The following GMCL1 variants were observed in gnomAD, a reference collection of about 807,000 sequenced individuals.
The protein encoded by GMCL1 is germ cell-less 1, spermatogenesis associated, also known as germ cell-less protein-like 1.
In GMCL1, 54 loss-of-function variants were observed where a neutral mutation model predicts 75.5. The observed-to-expected ratio is 0.71, with a 90% CI of 0.57 to 0.90. GMCL1 has a LOEUF of 0.90. GMCL1 is among the 40% of genes least tolerant of loss of function. The probability of loss-of-function intolerance (pLI) is 0.00; values close to 1 mark genes in which losing one functional copy is unlikely to be tolerated. For synonymous variants in GMCL1, 210 were observed against 209.6 expected (o/e 1.00, Z -0.02); for missense variants, 537 against 622.7 (o/e 0.86, Z 1.47).
intron 2 of GMCL1, among the ~76,000 whole-genome samples, chr2:69,838,358 A>G (rs1361806022): frequency 4.0e-5 from 6 of 150,524 alleles, no homozygotes. Flanking sequence ...AAAAAAAAAA[A>G]AAAAAATCGG....
intron 11 of GMCL1, among the ~76,000 whole-genome samples, chr2:69,868,660 G>A (rs752747851): frequency 1.1e-4 from 16 of 149,850 alleles, no homozygotes; most frequent in Non-Finnish European, 1.5e-4. Flanking sequence ...TGATCCACCC[G>A]CCTCGGCCTC....
intron 5 of GMCL1, among the ~76,000 whole-genome samples, 190 bp from the exon 6 acceptor site, chr2:69,843,941 C>A (rs1675055445): frequency 6.6e-6 from 1 of 151,622 alleles, no homozygotes; most frequent in South Asian, 2.1e-4. Context: ...GAAATGCTCT[C>A]GTTAATATAA....
chr2:69,846,817 G>A (rs1675161257), intron 6 of GMCL1, among the ~76,000 whole-genome samples: 1 of 151,278 alleles, frequency 6.6e-6, no homozygotes, highest in African/African-American at 2.4e-5. Flanking sequence ...CGATATAGCT[G>A]TTTTAGTGTC....
chr2:69,875,747 T>A (rs1247111390), intron 13 of GMCL1, among the ~76,000 whole-genome samples: 1 of 151,988 alleles, frequency 6.6e-6, no homozygotes, highest in Non-Finnish European at 1.5e-5. Flanking sequence ...CAGGCTGGAA[T>A]GCAGTGGCGT....
chr2:69,837,335 G>A (rs1487592317), intron 1 of GMCL1, among the ~76,000 whole-genome samples: 2 of 152,026 alleles, frequency 1.3e-5, no homozygotes, highest in East Asian at 3.8e-4. Flanking sequence ...GTGCATAGAG[G>A]ACCCCAGAGA....
At chr2:69,841,105 A>G in intron 4 of GMCL1, 66 bp downstream of exon 4, 2 of 1,063,730 alleles carry the variant, frequency 1.9e-6, no homozygotes, top group Non-Finnish European at 2.8e-6. Flanking sequence ...TGTGTACTCC[A>G]AAAACAAAAA....
Position 69,869,882 on chromosome 2 carries a change from C to G in GMCL1, c.1364+18C>G. On this transcript the variant is annotated intron_variant, in intron 12 of 13. Transcript: ENST00000282570. ...GCATTTAGGTAGGATGAGATTTCCC[C>G]ACCCCACTCCTCCTCACTCCAGAGA... 1 of 1,608,210 alleles carries G rather than the reference C, an allele frequency of 6.2e-7. No individual in the cohort carries two copies. The highest frequency in any genetic ancestry group is 8.5e-7 in the Non-Finnish European group (1 of 1,176,556).
At chr2:69,849,769 T>C in intron 8 of GMCL1, 27 bp downstream of exon 8, 2 of 1,419,152 alleles carry the variant, frequency 1.4e-6, no homozygotes, top group Non-Finnish European at 1.9e-6. Context: ...TGAGAACTTG[T>C]CTTTTAAAAG....
At chr2:69,849,601 A>G (rs777105910) in intron 7 of GMCL1, 51 bp from the exon 8 acceptor site, 11 of 1,196,414 alleles carry the variant, frequency 9.2e-6, no homozygotes, top group Non-Finnish European at 1.3e-5. Context: ...GTAAAATCAT[A>G]AAATGATGAA....
chr2:69,871,538 A>G (rs997226748), intron 12 of GMCL1, among the ~76,000 whole-genome samples: 2 of 152,228 alleles, frequency 1.3e-5, no homozygotes, highest in Admixed American at 6.5e-5. Flanking sequence ...CAATAAAAAC[A>G]TTTATAAATG....
At chr2:69,835,678 CT>C (rs1674800510) in intron 1 of GMCL1, among the ~76,000 whole-genome samples, 1 of 152,188 alleles carries the variant, frequency 6.6e-6, no homozygotes, top group African/African-American at 2.4e-5. Context: ...ATTTTCACCC[CT>C]GGTCCAAAAG....
intron 1 of GMCL1, among the ~76,000 whole-genome samples, chr2:69,831,366 A>G (rs144887563): frequency 3.4e-5 from 1 of 29,698 alleles, no homozygotes; most frequent in Non-Finnish European, 4.9e-5. Context: ...TGTATTTATT[A>G]TACAAAAATG....
chr2:69,879,251 TTC>T lies in GMCL1; in HGVS notation c.*249_*250del, dbSNP rs1191764221. 3.6e-6 allele frequency: 1 copy of T among 280,196 alleles called. No homozygotes were observed. Among genetic ancestry groups the T allele is most frequent in the African/African-American group, 2.2e-5 (1 of 45,174 alleles). The allele number at this position is 280,196 out of a possible 1,614,324, so 17.4% of individuals were successfully genotyped here. A position where few individuals can be genotyped will look rare whatever the true frequency, so the allele number is the denominator to read the frequency against. ...GCCAAGAAAATATCTGTCAAACCAT[TTC>T]TGTTAGAACGATGTCAATTCATGCT... On this transcript the variant is annotated 3_prime_UTR_variant, in exon 14 of 14. Transcript: ENST00000282570.
At chr2:69,847,657 C>A (rs1385353131) in intron 7 of GMCL1, 30 bp downstream of exon 7, 1 of 1,322,478 alleles carries the variant, frequency 7.6e-7, no homozygotes, top group Admixed American at 1.7e-5. Context: ...TCATATTATA[C>A]AAGGATGTCA....
At chr2:69,842,173 G>GA (rs1675007352) in intron 4 of GMCL1, among the ~76,000 whole-genome samples, 1 of 152,130 alleles carries the variant, frequency 6.6e-6, no homozygotes, top group African/African-American at 2.4e-5. Context: ...GCTTGGAGGG[G>GA]AAAAAGTGGA....
intron 1 of GMCL1, among the ~76,000 whole-genome samples, chr2:69,834,811 T>A (rs1674774679): frequency 6.6e-6 from 1 of 152,194 alleles, no homozygotes; most frequent in African/African-American, 2.4e-5. Context: ...TCGCTTCTTA[T>A]CTTTATTTTT....
chr2:69,877,976 A>G (rs1480200277), intron 13 of GMCL1, among the ~76,000 whole-genome samples: 1 of 152,232 alleles, frequency 6.6e-6, no homozygotes, highest in Non-Finnish European at 1.5e-5. Context: ...TATCCCAGGC[A>G]TTTAAAACGT....
chr2:69,862,552 G>T (rs1675684459), intron 10 of GMCL1, among the ~76,000 whole-genome samples: 1 of 152,130 alleles, frequency 6.6e-6, no homozygotes, highest in African/African-American at 2.4e-5. Flanking sequence ...CTGAGGTCAG[G>T]AGTTCGAGAC....
At chr2:69,859,732 T>C (rs1675584122) in intron 9 of GMCL1, among the ~76,000 whole-genome samples, 1 of 66,264 alleles carries the variant, frequency 1.5e-5, no homozygotes. Flanking sequence ...AGACCGTGTC[T>C]CTCTCTCTCT....
Sources: allele counts gnomAD v4.1 joint callset (sites outside exome capture counted in the v4.1 genomes callset), GRCh38; gene constraint gnomAD v4.1.1; transcripts MANE v1.5; gene names NCBI Gene and HGNC (gene_info 2026-07-23, HGNC 2026-07-21).